ATXN2: variants seen among roughly 807,000 people sequenced by gnomAD.
ATXN2 encodes the protein ataxin-2.
In ATXN2, 37 loss-of-function variants were observed where a neutral mutation model predicts 138.6. The ratio of observed to expected loss-of-function variants is 0.27; its 90% CI spans 0.21 to 0.35. The LOEUF (loss-of-function observed/expected upper bound fraction) is 0.35, where lower values mean the gene tolerates loss of function less well. ATXN2 is among the 10% of genes least tolerant of loss of function. ATXN2 has a pLI of 1.00. For missense variants in ATXN2, 1,216 were observed against 1,480.3 expected (o/e 0.82, Z 2.93); for synonymous variants, 549 against 543.7 (o/e 1.01, Z -0.13).
chr12:111,552,367 C>T lies in ATXN2; in HGVS notation c.484G>A (p.Glu162Lys). 6.2e-7 allele frequency: 1 copy of T among 1,613,918 alleles called. No individual in the cohort carries two copies. Among genetic ancestry groups the T allele is most frequent in the Non-Finnish European group, 8.5e-7 (1 of 1,179,920 alleles). The change falls in exon 5 of 25, where the codon GAA becomes AAA. Residue 162 changes from glutamate (E) to lysine (K), a missense_variant. Around this residue, in one of 4 missense-constraint regions of ATXN2, gnomAD observed 401 missense variants for 528.1 expected, o/e 0.76. Transcript: ENST00000673436. This position sits in a 1 kb window ranked among gnomAD's most constrained non-coding sequence, Gnocchi z 4.1. Reference sequence around the variant, plus strand: ...AACAAAATACTCTCCATTATTTCTTCACGTTTCGGCCCCGAACTGGATTCT... The same window carrying T: ...AACAAAATACTCTCCATTATTTCTTTACGTTTCGGCCCCGAACTGGATTCT... ...STESSSGPKR[E>K]EIMESILFKC...
chr12:111,523,858 T>C (rs2135745550), intron 6 of ATXN2, among the ~76,000 whole-genome samples: 1 of 151,656 alleles, frequency 6.6e-6, no homozygotes, highest in Non-Finnish European at 1.5e-5. Context: ...AGCTCAGGAG[T>C]TCCAGATCAC....
chr12:111,461,118 C>A (rs766660380), intron 21 of ATXN2: 1 of 152,104 alleles, frequency 6.6e-6, no homozygotes, highest in Non-Finnish European at 1.5e-5. Context: ...TGTTCTAGCT[C>A]AAAAGATCTG....
intron 18 of ATXN2, among the ~76,000 whole-genome samples, chr12:111,476,792 T>C (rs1876845369): frequency 6.6e-6 from 1 of 152,192 alleles, no homozygotes; most frequent in Non-Finnish European, 1.5e-5. Context: ...TCCATATTGT[T>C]AAGATATTTC....
At chr12:111,518,465 A>C in intron 8 of ATXN2, 38 bp from the exon 9 acceptor site, 1 of 1,557,730 alleles carries the variant, frequency 6.4e-7, no homozygotes, top group East Asian at 2.3e-5. Flanking sequence ...TTTATTCTAA[A>C]AGGTACCAAG....
In ATXN2 at chr12:111,509,926, T is replaced by C; in HGVS notation, c.1829A>G (p.Glu610Gly). 1.2e-6 allele frequency: 2 copies of C among 1,613,264 alleles called. No individual in the cohort carries two copies. The highest frequency in any genetic ancestry group is 1.7e-6 in the Non-Finnish European group (2 of 1,179,564). The change falls in exon 13 of 25, where the codon GAA (glutamate) becomes GGA (glycine). Residue 610 changes from glutamate (E) to glycine (G), a missense_variant. By Grantham distance (98) the Glu-to-Gly change is moderately conservative. Transcript: ENST00000673436. ...AGNKENIKPN[E>G]TSPSFSKAEN... ...AGCTTTTGAGAAGCTAGGTGATGTT[T>C]CATTGGGTTTAATATTTTCTTTATT...
intron 14 of ATXN2, among the ~76,000 whole-genome samples, chr12:111,499,205 A>G (rs1015697033): frequency 7.9e-5 from 12 of 152,220 alleles, no homozygotes; most frequent in Non-Finnish European, 1.5e-4. Flanking sequence ...ATGGGATCAC[A>G]TCAAGTTAAA....
intron 5 of ATXN2, among the ~76,000 whole-genome samples, chr12:111,546,549 T>C (rs1424340397): frequency 6.6e-6 from 1 of 151,850 alleles, no homozygotes; most frequent in Non-Finnish European, 1.5e-5. Flanking sequence ...GGAAAAAGTA[T>C]GAGGAACAAT....
chr12:111,510,699 C>A, intron 11 of ATXN2, 117 bp from the exon 12 acceptor site: 1 of 913,040 alleles, frequency 1.1e-6, no homozygotes, highest in Middle Eastern at 3.7e-4. Context: ...TAGCCCTTAC[C>A]CTTTATCCCA....
chr12:111,535,806 C>G (rs998468199), intron 5 of ATXN2, among the ~76,000 whole-genome samples: 1 of 151,578 alleles, frequency 6.6e-6, no homozygotes, highest in Admixed American at 6.6e-5. Flanking sequence ...CGAGACCATC[C>G]CGGCTAAAAC....
At chr12:111,483,202 C>CAT (rs1208543017) in intron 18 of ATXN2, among the ~76,000 whole-genome samples, 2 of 141,328 alleles carry the variant, frequency 1.4e-5, no homozygotes, top group Non-Finnish European at 3.1e-5. Context: ...CATACACACA[C>CAT]ACACACACAC....
At chr12:111,546,887 G>A (rs985238725) in intron 5 of ATXN2, among the ~76,000 whole-genome samples, 6 of 152,174 alleles carry the variant, frequency 3.9e-5, no homozygotes, top group African/African-American at 1.4e-4. Context: ...TTCTAATTAT[G>A]AATGTGCCAA....
intron 18 of ATXN2, among the ~76,000 whole-genome samples, chr12:111,477,511 A>T (rs970780223): frequency 5.9e-5 from 9 of 152,186 alleles, no homozygotes; most frequent in African/African-American, 2.2e-4. Context: ...CCATAAAAAC[A>T]TTCATAACCT....
intron 15 of ATXN2, among the ~76,000 whole-genome samples, 155 bp from the exon 16 acceptor site, chr12:111,486,979 T>C (rs1234168796): frequency 6.6e-6 from 1 of 152,222 alleles, no homozygotes; most frequent in Non-Finnish European, 1.5e-5. Flanking sequence ...TATACACTTA[T>C]ATTGCCCATT....
At chr12:111,587,628 C>T (rs537467166) in intron 1 of ATXN2, among the ~76,000 whole-genome samples, 1 of 151,952 alleles carries the variant, frequency 6.6e-6, no homozygotes, top group African/African-American at 2.4e-5. Context: ...TATACTCCAA[C>T]CTGGCCAACA....
At chr12:111,457,579 CAT>C (rs1875206568) in intron 21 of ATXN2, 1 of 428,798 alleles carries the variant, frequency 2.3e-6, no homozygotes, top group African/African-American at 2.0e-5. Flanking sequence ...TACAGCTCTA[CAT>C]ATGATATTAA....
At chr12:111,571,803 A>C (rs931499623) in intron 1 of ATXN2, among the ~76,000 whole-genome samples, 2 of 151,920 alleles carry the variant, frequency 1.3e-5, no homozygotes, top group African/African-American at 2.4e-5. Context: ...AGATCACCTG[A>C]GATCAGGAGA....
intron 5 of ATXN2, among the ~76,000 whole-genome samples, chr12:111,526,643 G>A (rs542380660): frequency 6.6e-6 from 1 of 152,230 alleles, no homozygotes; most frequent in East Asian, 1.9e-4. Flanking sequence ...GACCTCAGGT[G>A]ATCCACCCAC....
intron 1 of ATXN2, among the ~76,000 whole-genome samples, chr12:111,571,610 G>C (rs7972340): frequency 0.1 from 15,279 of 152,108 alleles, 2,566 homozygotes; most frequent in African/African-American, 0.35. Flanking sequence ...TCATATTTTT[G>C]AAGAGTTAAT....
chr12:111,590,711 G>A (rs1566085287), intron 1 of ATXN2, among the ~76,000 whole-genome samples: 5 of 144,062 alleles, frequency 3.5e-5, no homozygotes, highest in Admixed American at 3.4e-4. Flanking sequence ...AGGCCTGTTA[G>A]GAACCAGACT....
Sources: allele counts gnomAD v4.1 joint callset (sites outside exome capture counted in the v4.1 genomes callset), GRCh38; gene constraint gnomAD v4.1.1; regional missense constraint gnomAD v4.1.1; non-coding constraint Gnocchi (gnomAD v3.1); transcripts MANE v1.5; gene names NCBI Gene and HGNC (gene_info 2026-07-23, HGNC 2026-07-21).